Variants in BTLA observed in about 807,000 individuals in gnomAD.
BTLA encodes B- and T-lymphocyte attenuator.
A neutral mutation model predicts 25.0 loss-of-function variants in BTLA; 11 were observed. That is an observed-to-expected ratio of 0.44 (90% confidence interval 0.28 to 0.73). BTLA has a LOEUF of 0.73. Among genes scored for constraint, BTLA ranks in the 30% least tolerant of loss-of-function variants. The probability of loss-of-function intolerance (pLI) is 0.15; values close to 1 mark genes in which losing one functional copy is unlikely to be tolerated. For synonymous variants in BTLA, 104 were observed against 119.8 expected (o/e 0.87, Z 0.86); for missense variants, 282 against 332.8 (o/e 0.85, Z 1.19).
chr3:112,479,451 T>C lies in BTLA; in HGVS notation c.403+4A>G. On this transcript the variant is annotated splice_donor_region_variant and intron_variant, in intron 2 of 4. Transcript: ENST00000334529. ...ATCAGATGGTCTAGGTGTTGAGAACTCACCTGTCACATAAAGAGTTGTTGA... is the reference window on the plus strand; with the variant it reads ...ATCAGATGGTCTAGGTGTTGAGAACCCACCTGTCACATAAAGAGTTGTTGA... 1 of 1,603,960 alleles carries C rather than the reference T, an allele frequency of 6.2e-7. No homozygotes were observed. The highest frequency in any genetic ancestry group is 1.1e-5 in the South Asian group (1 of 89,802).
At chr3:112,485,859 TC>T (rs1294557430) in intron 1 of BTLA, among the ~76,000 whole-genome samples, 5 of 152,246 alleles carry the variant, frequency 3.3e-5, no homozygotes. Context: ...ACGCCTGTGG[TC>T]CCAGCACTTT....
chr3:112,470,209 G>T (rs1454937264), intron 3 of BTLA: 6 of 154,326 alleles, frequency 3.9e-5, no homozygotes, highest in Non-Finnish European at 5.8e-5. Flanking sequence ...CTTTTCTGAA[G>T]TTCTGAGAGA....
chr3:112,478,494 TA>T (rs527480056), intron 2 of BTLA, among the ~76,000 whole-genome samples: 1 of 152,214 alleles, frequency 6.6e-6, no homozygotes, highest in South Asian at 2.1e-4. Context: ...GTGGAATTGC[TA>T]AATTCATGTA....
intron 1 of BTLA, among the ~76,000 whole-genome samples, chr3:112,490,950 G>A (rs1249224292): frequency 6.6e-6 from 1 of 151,958 alleles, no homozygotes; most frequent in Non-Finnish European, 1.5e-5. Flanking sequence ...TGACTATTTG[G>A]CAAGTAAATT....
At chr3:112,493,042 A>G (rs2082388234) in intron 1 of BTLA, among the ~76,000 whole-genome samples, 1 of 152,212 alleles carries the variant, frequency 6.6e-6, no homozygotes, top group Non-Finnish European at 1.5e-5. Context: ...CACTTCTTCC[A>G]TTGAGATAAA....
At position 112,465,966 on chromosome 3, in the gene BTLA, C is replaced by G; in HGVS notation, c.*142G>C. On this transcript the variant is annotated 3_prime_UTR_variant, in exon 5 of 5. Coordinates refer to ENST00000334529, the MANE Select transcript of BTLA (RefSeq NM_181780.4). The stretch of plus-strand genomic sequence containing the variant: ...AATTTTAATCATTTATCCTATGGAC[C>G]CTTAAGACCCAAGCACTAACATGAA... 1 of 896,600 alleles carries G rather than the reference C, an allele frequency of 1.1e-6. No individual in the cohort carries two copies. The highest frequency in any genetic ancestry group is 1.6e-5 in the African/African-American group (1 of 60,992). 55.5% of individuals were successfully genotyped at this position (896,600 alleles called of 1,614,324 possible). A position where few individuals can be genotyped will look rare whatever the true frequency, so the allele number is the denominator to read the frequency against.
rs759012070 is a variant in BTLA, at chr3:112,499,265, C to T, written c.88+6G>A. 7.0e-6 allele frequency: 11 copies of T among 1,580,598 alleles called. No homozygotes were observed. The highest frequency in any genetic ancestry group is 1.7e-5 in the Admixed American group (1 of 59,808). On this transcript the variant is annotated splice_donor_region_variant and intron_variant, in intron 1 of 4. Transcript: ENST00000334529. The stretch of plus-strand genomic sequence containing the variant: ...AAACCAGAAATAACCTAAGCAGGTG[C>T]CTTACCATGGATGTTCCAGATGTCC...
chr3:112,471,184 C>T (rs2082259909), intron 3 of BTLA, 28 bp downstream of exon 3: 1 of 1,610,488 alleles, frequency 6.2e-7, no homozygotes, highest in Non-Finnish European at 8.5e-7. Flanking sequence ...ATGTGTGGTA[C>T]TGGGGGCAGA....
intron 1 of BTLA, among the ~76,000 whole-genome samples, chr3:112,493,782 G>A (rs1016876994): frequency 2.6e-5 from 4 of 151,826 alleles, no homozygotes; most frequent in East Asian, 2.0e-4. Context: ...GATTACAGGC[G>A]AGAGCCACTA....
chr3:112,477,182 T>C (rs1315750175), intron 2 of BTLA, among the ~76,000 whole-genome samples: 1 of 152,156 alleles, frequency 6.6e-6, no homozygotes, highest in East Asian at 1.9e-4. Context: ...TTAATTTCAT[T>C]TGAGTATTTA....
intron 1 of BTLA, among the ~76,000 whole-genome samples, chr3:112,497,446 G>C (rs930840579): frequency 6.6e-6 from 1 of 152,204 alleles, no homozygotes; most frequent in Non-Finnish European, 1.5e-5. Context: ...CAAATGCTAG[G>C]TTGCACATTG....
intron 1 of BTLA, among the ~76,000 whole-genome samples, chr3:112,498,065 G>C (rs1202229390): frequency 6.6e-6 from 1 of 152,128 alleles, no homozygotes; most frequent in Admixed American, 6.5e-5. Flanking sequence ...AAAGAGAACT[G>C]AGTAGATGTT....
At chr3:112,487,757 GC>G (rs2082356363) in intron 1 of BTLA, among the ~76,000 whole-genome samples, 1 of 152,232 alleles carries the variant, frequency 6.6e-6, no homozygotes. Context: ...TTTCAATTTT[GC>G]CATTAGATTT....
At chr3:112,493,183 A>C (rs954791659) in intron 1 of BTLA, among the ~76,000 whole-genome samples, 3 of 152,246 alleles carry the variant, frequency 2.0e-5, no homozygotes, top group African/African-American at 7.2e-5. Context: ...CACTGACACA[A>C]TACAACTCAA....
chr3:112,469,935 G>A (rs1035333563), intron 3 of BTLA, 131 bp from the exon 4 acceptor site: 1 of 673,918 alleles, frequency 1.5e-6, no homozygotes, highest in East Asian at 2.9e-5. Flanking sequence ...AATTTGCTTT[G>A]CCTAGCACAC....
At chr3:112,486,444 C>A (rs959360653) in intron 1 of BTLA, among the ~76,000 whole-genome samples, 24 of 151,792 alleles carry the variant, frequency 1.6e-4, no homozygotes, top group African/African-American at 5.6e-4. Context: ...ATGTATAAAA[C>A]CATACAAATG....
chr3:112,482,614 T>A (rs902984849), intron 1 of BTLA, among the ~76,000 whole-genome samples: 1 of 152,206 alleles, frequency 6.6e-6, no homozygotes, highest in East Asian at 1.9e-4. Flanking sequence ...TGATTGAGTT[T>A]CCAGGAATCA....
Position 112,469,363 on chromosome 3 carries a change from C to A in BTLA, c.594+395G>T, listed in dbSNP as rs184969975. Among the ~76,000 whole-genome samples the A allele has an allele frequency of 2.0e-5, 3 of 152,002 alleles. No individual in the cohort carries two copies. The East Asian group carries it at 5.8e-4, about 29-fold the overall frequency. On this transcript the variant is annotated intron_variant, in intron 4 of 4. Coordinates refer to ENST00000334529, the MANE Select transcript of BTLA (RefSeq NM_181780.4). Reference sequence around the variant, plus strand: ...TGTGGGTTCATTCTTTCATCAGCTCCCTACTCTCTTCCAGAAAGACCTTAA... The same window carrying A: ...TGTGGGTTCATTCTTTCATCAGCTCACTACTCTCTTCCAGAAAGACCTTAA...
chr3:112,498,568 C>CTT (rs34606026), intron 1 of BTLA, among the ~76,000 whole-genome samples: 4,629 of 83,746 alleles, frequency 0.055, 425 homozygotes, highest in African/African-American at 0.17. Flanking sequence ...AAGAAATTGC[C>CTT]TTTTTTTTTT....
Sources: gnomAD v4.1 joint callset for allele counts (sites outside exome capture counted in the v4.1 genomes callset) on GRCh38, gnomAD v4.1.1 for gene constraint, MANE v1.5 for transcripts, NCBI Gene and HGNC (gene_info 2026-07-23, HGNC 2026-07-21) for gene names.